The following BAHCC1 variants were observed in gnomAD, a reference collection of about 807,000 sequenced individuals.
BAHCC1 encodes BAH and coiled-coil domain-containing protein 1.
Under a neutral mutation model 88.2 loss-of-function variants are expected in BAHCC1, and 43 were observed. That is an observed-to-expected ratio of 0.49 (90% CI 0.38 to 0.63). BAHCC1 has a LOEUF of 0.63. BAHCC1 is among the 20% of genes least tolerant of loss of function. The probability of loss-of-function intolerance (pLI) is 0.00; values close to 1 mark genes in which losing one functional copy is unlikely to be tolerated. For synonymous variants in BAHCC1, 1,510 were observed against 745.5 expected (o/e 2.03, Z -16.71); for missense variants, 3,023 against 1,654.8 (o/e 1.83, Z -14.34).
chr17:81,447,850 TA>T lies in BAHCC1; in HGVS notation c.3976+4del. On this transcript the variant is annotated splice_donor_region_variant and intron_variant, in intron 11 of 27. Transcript: ENST00000675386. The stretch of plus-strand genomic sequence containing the variant: ...AGAGGAGTGAGAGGACTGTGCCAGG[TA>T]AGCCCGGTGGTTGCCGCCACCCCCC... The T allele has an allele frequency of 1.4e-6, 1 of 726,712 alleles. No homozygotes were observed. The allele number at this position is 726,712 out of a possible 1,614,324, so 45.0% of individuals were successfully genotyped here. A position where few individuals can be genotyped will look rare whatever the true frequency, so the allele number is the denominator to read the frequency against.
rs574656163 is a variant in BAHCC1 at position 81,411,966 on chromosome 17, G to A, written c.178+12049G>A. On this transcript the variant is annotated intron_variant, in intron 2 of 27. Coordinates refer to ENST00000675386, the MANE Select transcript of BAHCC1 (RefSeq NM_001377448.1). This position sits in a 1 kb window ranked among gnomAD's most constrained non-coding sequence, Gnocchi z 6.2. ...TTTGCATTCAGCGAGACACACAGGC[G>A]CACAGGGACTCAAGTGTGGCCACGA... Among the ~76,000 whole-genome samples, 7 of 152,362 alleles carry A rather than the reference G, an allele frequency of 4.6e-5. No homozygotes were observed. The highest frequency in any genetic ancestry group is 1.9e-4 in the East Asian group (1 of 5,192).
At position 81,441,846 on chromosome 17, in the gene BAHCC1, G is replaced by A. The variant is rs782753355; in HGVS notation, c.497G>A (p.Arg166His). 3.3e-5 allele frequency: 22 copies of A among 658,092 alleles called. No individual in the cohort carries two copies. Among genetic ancestry groups the A allele is most frequent in the South Asian group, 1.1e-4 (6 of 56,046 alleles). The allele number at this position is 658,092 out of a possible 1,614,324, so 40.8% of individuals were successfully genotyped here. A position where few individuals can be genotyped will look rare whatever the true frequency, so the allele number is the denominator to read the frequency against. The change falls in exon 5 of 28, where the codon CGC (arginine) becomes CAC (histidine). Residue 166 changes from arginine to histidine, a missense_variant. Physicochemically the swap from Arg to His is conservative, Grantham distance 29 (BLOSUM62 0). Coordinates refer to ENST00000675386, the MANE Select transcript of BAHCC1 (RefSeq NM_001377448.1). ...YGTQKDNFYL[R>H]NLPPQPTLLP... is the part of the protein sequence containing the mutation. ...TCCCACACAGATAACTTCTACCTGCGCAACCTGCCGCCCCAGCCCACGCTG... is the reference window on the plus strand; with the variant it reads ...TCCCACACAGATAACTTCTACCTGCACAACCTGCCGCCCCAGCCCACGCTG...
chr17:81,404,543 CAGGAGGCTGG>C (rs2063856761), intron 2 of BAHCC1, among the ~76,000 whole-genome samples: 1 of 152,200 alleles, frequency 6.6e-6, no homozygotes, highest in Non-Finnish European at 1.5e-5. Flanking sequence ...GCAGATTACC[CAGGAGGCTGG>C]AGGAGGATGG....
In BAHCC1 at chr17:81,442,828, C is replaced by T. The variant is rs782694274; in HGVS notation, c.1479C>T (p.Tyr493=). The stretch of plus-strand genomic sequence containing the variant: ...AAAGCGGTCTGGACAAAAGCGGCTA[C>T]TTCGAGTTGCCCACCTCTTCACAGG... ...LPKSGLDKSG[Y]FELPTSSQDC... The change falls in exon 5 of 28, where the codon TAC becomes TAT. Residue 493 remains tyrosine (Y), a synonymous_variant. Transcript: ENST00000675386. The T allele has an allele frequency of 2.6e-6, 2 of 779,540 alleles. No homozygotes were observed. The highest frequency in any genetic ancestry group is 4.8e-6 in the Non-Finnish European group (2 of 417,930). 48.3% of individuals were successfully genotyped at this position (779,540 alleles called of 1,614,324 possible).
chr17:81,418,164 G>T (rs2064059334), intron 2 of BAHCC1, among the ~76,000 whole-genome samples: 1 of 152,262 alleles, frequency 6.6e-6, no homozygotes, highest in South Asian at 2.1e-4. Flanking sequence ...AGCAGTGCTG[G>T]ACAGACGGAC....
chr17:81,452,732 G>A lies in BAHCC1; in HGVS notation c.4326G>A (p.Glu1442=), dbSNP rs1224430207. 1 of 752,944 alleles carries A rather than the reference G, an allele frequency of 1.3e-6. No homozygotes were observed. The highest frequency in any genetic ancestry group is 1.8e-5 in the African/African-American group (1 of 56,626). The allele number at this position is 752,944 out of a possible 1,614,324, so 46.6% of individuals were successfully genotyped here. The change falls in exon 14 of 28, where the codon GAG becomes GAA. Residue 1442 remains glutamate, a synonymous_variant. Transcript: ENST00000675386. The part of the protein sequence containing the change: ...LQRKHDHERD[E]SSRSPARRGP... ...CCCCTGCGGCCCCCAGGAGAGACGA[G>A]AGTTCACGGAGCCCTGCACGGCGGG...
chr17:81,443,635 C>T, intron 5 of BAHCC1, 71 bp downstream of exon 5: 1 of 622,318 alleles, frequency 1.6e-6, no homozygotes, highest in South Asian at 1.8e-5. Flanking sequence ...TGCCCTGCGC[C>T]CCGGCTCCCC....
chr17:81,444,255 G>T lies in BAHCC1; in HGVS notation c.2325-126G>T, dbSNP rs1387363076. 33 of 629,146 alleles carry T rather than the reference G, an allele frequency of 5.2e-5. No homozygotes were observed. The Admixed American group carries it at 8.3e-4, about 16-fold the overall frequency. 39.0% of individuals were successfully genotyped at this position (629,146 alleles called of 1,614,324 possible). A position where few individuals can be genotyped will look rare whatever the true frequency, so the allele number is the denominator to read the frequency against. ...AGGTTGATGGCAGGGGGTGGGACAGGGAGTCAGGCATTGGCACCGTTGGTG... is the reference window on the plus strand; with the variant it reads ...AGGTTGATGGCAGGGGGTGGGACAGTGAGTCAGGCATTGGCACCGTTGGTG... On this transcript the variant is annotated intron_variant, in intron 6 of 27. Coordinates refer to ENST00000675386, the MANE Select transcript of BAHCC1 (RefSeq NM_001377448.1).
chr17:81,399,568 C>T lies in BAHCC1; in HGVS notation c.-172C>T, dbSNP rs1555645593. The T allele has an allele frequency of 1.5e-5, 6 of 398,296 alleles. No individual in the cohort carries two copies. Among genetic ancestry groups the T allele is most frequent in the East Asian group, 1.5e-4 (1 of 6,742 alleles). The allele number at this position is 398,296 out of a possible 1,614,324, so 24.7% of individuals were successfully genotyped here. A position where few individuals can be genotyped will look rare whatever the true frequency, so the allele number is the denominator to read the frequency against. The stretch of plus-strand genomic sequence containing the variant: ...CCGCACAGCGGCCGCTGGCTCGGTG[C>T]GCGGCCGCCCGCCGAGAAGCCCAGT... On this transcript the variant is annotated 5_prime_UTR_variant, in exon 2 of 28. Transcript: ENST00000675386. The surrounding 1 kb of genome is among the most constrained non-coding windows in gnomAD (Gnocchi z 4.5).
intron 2 of BAHCC1, chr17:81,422,817 G>A: frequency 2.3e-6 from 1 of 434,360 alleles, no homozygotes; most frequent in South Asian, 1.6e-5. Context: ...AAAGGCGGGA[G>A]GGACTTCCCC....
rs782107644 is a variant in BAHCC1 at position 81,452,008 on chromosome 17, C to T, written c.4217C>T (p.Thr1406Met). Residue 1406 changes from threonine to methionine, a missense_variant, in exon 13 of 28, where the codon ACG (threonine) becomes ATG (methionine). By Grantham distance (81) the Thr-to-Met change is moderately conservative. Transcript: ENST00000675386. ...AAGGCCGCCATCGACCGGCTGGACA[C>T]GCAGGAGGTGGGGATGCGCGTGCGG... ...PLKAAIDRLD[T>M]QEVGMRVRLA... 7 of 637,572 alleles carry T rather than the reference C, an allele frequency of 1.1e-5. No individual in the cohort carries two copies. Among genetic ancestry groups the T allele is most frequent in the African/African-American group, 3.7e-5 (2 of 53,956 alleles). 39.5% of individuals were successfully genotyped at this position (637,572 alleles called of 1,614,324 possible). A position where few individuals can be genotyped will look rare whatever the true frequency, so the allele number is the denominator to read the frequency against.
At chr17:81,416,968 C>A (rs976395387) in intron 2 of BAHCC1, among the ~76,000 whole-genome samples, 1 of 152,146 alleles carries the variant, frequency 6.6e-6, no homozygotes, top group South Asian at 2.1e-4. Context: ...AGGCCTTGCA[C>A]CCCCATCCGT....
intron 2 of BAHCC1, among the ~76,000 whole-genome samples, chr17:81,421,531 G>A (rs185920098): frequency 1.3e-4 from 20 of 152,266 alleles, no homozygotes; most frequent in Non-Finnish European, 2.8e-4. Flanking sequence ...CCCCACACTC[G>A]CAGGGGTCAC....
At chr17:81,440,895 G>A (rs1310902724) in intron 4 of BAHCC1, among the ~76,000 whole-genome samples, 1 of 152,210 alleles carries the variant, frequency 6.6e-6, no homozygotes, top group Non-Finnish European at 1.5e-5. Context: ...GAGCTCCCAG[G>A]GTGTCCAGCA....
intron 4 of BAHCC1, 57 bp downstream of exon 4, chr17:81,438,549 C>T (rs1555652089): frequency 2.9e-5 from 21 of 727,654 alleles, no homozygotes; most frequent in South Asian, 2.2e-4. Context: ...GGGGAGGGGG[C>T]GCAGGAGCTT....
rs782757420 is a variant in BAHCC1 at position 81,444,394 on chromosome 17, C to A, written c.2338C>A (p.Arg780Ser). 6 of 743,158 alleles carry A rather than the reference C, an allele frequency of 8.1e-6. No homozygotes were observed. In the South Asian group the frequency reaches 8.7e-5, roughly 11 times the overall value. 46.0% of individuals were successfully genotyped at this position (743,158 alleles called of 1,614,324 possible). ...CAGGTCTTACAGGGACAGCAAAGAC[C>A]GCGTAGAGTTCGCCCGGATCCACCC... ...RELLLQDSKD[R>S]VEFARIHPPS... The change falls in exon 7 of 28, where the codon CGC (arginine) becomes AGC (serine). Residue 780 changes from arginine (R) to serine (S), a missense_variant. By Grantham distance (110) the Arg-to-Ser change is moderately radical. Transcript: ENST00000675386.
rs782003982 is a variant in BAHCC1, at chr17:81,442,632, C to T, written c.1283C>T (p.Thr428Ile). The T allele has an allele frequency of 3.9e-6, 3 of 776,574 alleles. No individual in the cohort carries two copies. The highest frequency in any genetic ancestry group is 3.4e-5 in the Admixed American group (2 of 58,760). 48.1% of individuals were successfully genotyped at this position (776,574 alleles called of 1,614,324 possible). The stretch of plus-strand genomic sequence containing the variant: ...GGCAAGGACCGGCACCTGGAGGGAA[C>T]CATGGCCCCCGACCACGCTGCACCC... ...GEGKDRHLEGTMAPDHAAPYG... is the reference protein window; with the variant it reads ...GEGKDRHLEGIMAPDHAAPYG... The change falls in exon 5 of 28, where the codon ACC becomes ATC. Residue 428 changes from threonine to isoleucine, a missense_variant. By Grantham distance (89) the Thr-to-Ile change is moderately conservative. Transcript: ENST00000675386.
At chr17:81,459,627 G>C in intron 23 of BAHCC1, 23 bp downstream of exon 23, 2 of 779,256 alleles carry the variant, frequency 2.6e-6, no homozygotes, top group Non-Finnish European at 4.8e-6. Flanking sequence ...CAAAGCGGGG[G>C]CTGGGGCAGG....
intron 2 of BAHCC1, among the ~76,000 whole-genome samples, chr17:81,406,038 C>T (rs1323817036): frequency 2.6e-5 from 4 of 152,204 alleles, no homozygotes; most frequent in African/African-American, 9.7e-5. Context: ...AAAATACCGC[C>T]CAGCCTTTGG....
Sources: gnomAD v4.1 joint callset for allele counts (sites outside exome capture counted in the v4.1 genomes callset) on GRCh38, gnomAD v4.1.1 for gene constraint, Gnocchi (gnomAD v3.1) non-coding constraint, MANE v1.5 for transcripts, NCBI Gene and HGNC (gene_info 2026-07-23, HGNC 2026-07-21) for gene names.